Variants in SLC25A21 observed in about 807,000 individuals in gnomAD.
SLC25A21 encodes solute carrier family 25 member 21, also known as mitochondrial 2-oxodicarboxylate carrier.
SLC25A21 carries 47 observed loss-of-function variants against 43.8 expected under a neutral mutation model. The ratio of observed to expected loss-of-function variants is 1.07; its 90% CI spans 0.85 to 1.37. The LOEUF is 1.37. SLC25A21 is among the 40% of genes most tolerant of loss of function. The probability of loss-of-function intolerance (pLI) is 0.00; values close to 1 mark genes in which losing one functional copy is unlikely to be tolerated. For synonymous variants in SLC25A21, 131 were observed against 121.3 expected (o/e 1.08, Z -0.52); for missense variants, 352 against 350.2 (o/e 1.00, Z -0.04).
chr14:37,137,362 A>G (rs1963500313), intron 1 of SLC25A21, among the ~76,000 whole-genome samples: 2 of 152,210 alleles, frequency 1.3e-5, no homozygotes, highest in South Asian at 2.1e-4. Context: ...ATGTTTAAAT[A>G]TTATTATTTA....
chr14:37,164,578 T>G (rs1964000749), intron 1 of SLC25A21, among the ~76,000 whole-genome samples: 1 of 152,194 alleles, frequency 6.6e-6, no homozygotes, highest in Non-Finnish European at 1.5e-5. Context: ...GATTACCCCC[T>G]GGTGTATCAG....
At chr14:37,143,648 G>A (rs772511192) in intron 1 of SLC25A21, among the ~76,000 whole-genome samples, 7 of 151,326 alleles carry the variant, frequency 4.6e-5, no homozygotes, top group Non-Finnish European at 1.0e-4. Flanking sequence ...GAACAAGTAT[G>A]AAAGGGGAAG....
At chr14:36,720,008 G>T (rs1324230372) in intron 6 of SLC25A21, among the ~76,000 whole-genome samples, 2 of 152,080 alleles carry the variant, frequency 1.3e-5, no homozygotes, top group South Asian at 2.1e-4. Context: ...CTTGGATCCC[G>T]GCTACAGGGG....
intron 2 of SLC25A21, among the ~76,000 whole-genome samples, chr14:36,840,145 C>T (rs923247632): frequency 6.6e-6 from 1 of 152,050 alleles, no homozygotes. Context: ...GGAGAACATT[C>T]TTTGATAGGC....
chr14:36,788,476 C>T (rs778073855), intron 3 of SLC25A21, among the ~76,000 whole-genome samples: 6 of 149,876 alleles, frequency 4.0e-5, no homozygotes, highest in South Asian at 4.4e-4. Flanking sequence ...CGGCTGGGTA[C>T]GCCATTTCTC....
chr14:37,097,023 T>C (rs796530805), intron 1 of SLC25A21: 9 of 146,102 alleles, frequency 6.2e-5, no homozygotes, highest in African/African-American at 2.4e-4. Context: ...GGCTGGTTTT[T>C]TTTTTGTTTT....
intron 1 of SLC25A21, among the ~76,000 whole-genome samples, chr14:37,155,500 T>G (rs1963832444): frequency 6.6e-6 from 1 of 152,104 alleles, no homozygotes; most frequent in Non-Finnish European, 1.5e-5. Context: ...TCAGACTGTC[T>G]AAAGTCAAAG....
chr14:37,019,408 T>A (rs1594755109), intron 1 of SLC25A21, among the ~76,000 whole-genome samples: 2 of 151,866 alleles, frequency 1.3e-5, no homozygotes, highest in African/African-American at 4.8e-5. Flanking sequence ...TTTCTTCACA[T>A]CCTATTCATT....
chr14:36,988,720 A>G (rs1960199368), intron 1 of SLC25A21, among the ~76,000 whole-genome samples: 1 of 152,170 alleles, frequency 6.6e-6, no homozygotes, highest in Admixed American at 6.5e-5. Flanking sequence ...CTGTAATTTT[A>G]GAAACTCCCT....
intron 3 of SLC25A21, among the ~76,000 whole-genome samples, chr14:36,799,335 C>T (rs997797535): frequency 3.9e-5 from 6 of 152,088 alleles, no homozygotes; most frequent in African/African-American, 1.4e-4. Flanking sequence ...CAAACTTAAA[C>T]CCATGGTTTG....
chr14:36,885,949 T>C (rs1168410887), intron 1 of SLC25A21, among the ~76,000 whole-genome samples: 1 of 152,240 alleles, frequency 6.6e-6, no homozygotes, highest in Non-Finnish European at 1.5e-5. Context: ...AAGTTCACAC[T>C]GTTTTAACCA....
At chr14:36,779,191 A>AAT (rs966948850) in intron 3 of SLC25A21, among the ~76,000 whole-genome samples, 7 of 146,868 alleles carry the variant, frequency 4.8e-5, no homozygotes, top group South Asian at 4.2e-4. Context: ...CTTTATATAT[A>AAT]ATATATATAT....
chr14:36,791,961 CT>C (rs1228158559), intron 3 of SLC25A21, among the ~76,000 whole-genome samples: 1 of 151,892 alleles, frequency 6.6e-6, no homozygotes, highest in African/African-American at 2.4e-5. Context: ...TTTTTTCTAG[CT>C]TATGAAAATT....
At chr14:36,810,537 T>C (rs1888204159) in intron 3 of SLC25A21, among the ~76,000 whole-genome samples, 1 of 152,154 alleles carries the variant, frequency 6.6e-6, no homozygotes, top group Non-Finnish European at 1.5e-5. Context: ...ATCACCAGAG[T>C]AATAGCTAAG....
chr14:36,933,200 C>A (rs1039339375), intron 1 of SLC25A21, among the ~76,000 whole-genome samples: 2 of 152,252 alleles, frequency 1.3e-5, no homozygotes, highest in African/African-American at 4.8e-5. Flanking sequence ...AAAGAACTTA[C>A]AAGATATACA....
At position 36,678,899 on chromosome 14, in the gene SLC25A21, A is replaced by C; in HGVS notation, c.*1759T>G. Reference sequence around the variant, plus strand: ...TCAAAGAAAATTATGATTTAAAGCCACTTTTTAAAATACGAGAAGGAAAAT... The same window carrying C: ...TCAAAGAAAATTATGATTTAAAGCCCCTTTTTAAAATACGAGAAGGAAAAT... On this transcript the variant is annotated 3_prime_UTR_variant, in exon 10 of 10. Coordinates refer to ENST00000331299, the MANE Select transcript of SLC25A21 (RefSeq NM_030631.4). The C allele has an allele frequency of 1.0e-6, 1 of 976,966 alleles. No homozygotes were observed. The highest frequency in any genetic ancestry group is 1.2e-6 in the Non-Finnish European group (1 of 821,586). The allele number at this position is 976,966 out of a possible 1,614,324, so 60.5% of individuals were successfully genotyped here.
chr14:36,854,695 A>C (rs938446422), intron 2 of SLC25A21, among the ~76,000 whole-genome samples: 4 of 152,160 alleles, frequency 2.6e-5, no homozygotes, highest in Non-Finnish European at 2.9e-5. Context: ...TCTGGTGTAG[A>C]TAGAATGAAA....
intron 1 of SLC25A21, among the ~76,000 whole-genome samples, chr14:37,048,517 T>G (rs1222313093): frequency 6.6e-6 from 1 of 151,998 alleles, no homozygotes; most frequent in Non-Finnish European, 1.5e-5. Flanking sequence ...AAGGAGAAAG[T>G]GGCACCACCT....
At chr14:36,887,314 G>A (rs1154128) in intron 1 of SLC25A21, among the ~76,000 whole-genome samples, 121,286 of 151,682 alleles carry the variant, frequency 0.8, 49,218 homozygotes, top group Non-Finnish European at 0.86. Context: ...CTGTAATCTC[G>A]ATACTTGGGA....
Sources: gnomAD v4.1 joint callset for allele counts (sites outside exome capture counted in the v4.1 genomes callset) on GRCh38, gnomAD v4.1.1 for gene constraint, MANE v1.5 for transcripts, NCBI Gene and HGNC (gene_info 2026-07-23, HGNC 2026-07-21) for gene names.